Variants in AGBL3 observed in about 807,000 individuals in gnomAD.
AGBL3 encodes cytosolic carboxypeptidase 3.
Under a neutral mutation model 94.5 loss-of-function variants are expected in AGBL3, and 68 were observed. That is an observed-to-expected ratio of 0.72 (90% CI 0.59 to 0.88). AGBL3 has a LOEUF of 0.88. AGBL3 is among the 40% of genes least tolerant of loss of function. The probability of loss-of-function intolerance (pLI) is 0.00; values close to 1 mark genes in which losing one functional copy is unlikely to be tolerated. For synonymous variants in AGBL3, 354 were observed against 370.7 expected, an observed-to-expected ratio of 0.95 and a Z score of 0.52; for missense variants, 934 against 1,103.8, an observed-to-expected ratio of 0.85 and a Z score of 2.18.
At position 135,135,379 on chromosome 7, in the gene AGBL3, A is replaced by C. The variant is rs1211692527; in HGVS notation, c.*118A>C. On this transcript the variant is annotated 3_prime_UTR_variant, in exon 17 of 17. Transcript: ENST00000436302. ...TCCCTATCTCTCCCCTTACACATGC[A>C]TATGCATAAACTAAAAATTTTAGAT... is the stretch of plus-strand genomic sequence containing the variant. 1.2e-6 allele frequency: 1 copy of C among 843,792 alleles called. No individual in the cohort carries two copies. Among genetic ancestry groups the C allele is most frequent in the Non-Finnish European group, 1.6e-6 (1 of 607,184 alleles). 52.3% of individuals were successfully genotyped at this position (843,792 alleles called of 1,614,324 possible). A position where few individuals can be genotyped will look rare whatever the true frequency, so the allele number is the denominator to read the frequency against.
intron 11 of AGBL3, among the ~76,000 whole-genome samples, chr7:135,051,416 T>G (rs1416467318): frequency 5.3e-5 from 8 of 152,146 alleles, no homozygotes; most frequent in Non-Finnish European, 1.2e-4. Flanking sequence ...GCCTGTGTTT[T>G]TTGACATGAC....
chr7:135,026,263 T>TTTTATTTTATTTATTTTATTTTATTTTA (rs1554497761), intron 5 of AGBL3, among the ~76,000 whole-genome samples: 2 of 63,612 alleles, frequency 3.1e-5, no homozygotes, highest in African/African-American at 8.9e-5. Context: ...TTTTATTTTA[T>TTTTATTTTATTTATTTTATTTTATTTTA]TTTATTTTAT....
At chr7:135,130,128 T>C (rs1383533614) in intron 16 of AGBL3, among the ~76,000 whole-genome samples, 1 of 152,152 alleles carries the variant, frequency 6.6e-6, no homozygotes, top group Non-Finnish European at 1.5e-5. Flanking sequence ...AGAAGCCTTA[T>C]GAAAATTATA....
chr7:134,998,792 G>A (rs1459533334), intron 4 of AGBL3, among the ~76,000 whole-genome samples: 2 of 152,112 alleles, frequency 1.3e-5, no homozygotes, highest in African/African-American at 4.8e-5. Flanking sequence ...AATGATTCCT[G>A]TTTCTAGCAC....
chr7:135,128,291 C>CAAAAAAA (rs61217008), intron 16 of AGBL3, among the ~76,000 whole-genome samples: 3 of 58,076 alleles, frequency 5.2e-5, no homozygotes, highest in East Asian at 6.1e-4. Flanking sequence ...GACTCCATCT[C>CAAAAAAA]AAAAAAAAAA....
At chr7:135,062,323 G>A (rs963606295) in intron 12 of AGBL3, among the ~76,000 whole-genome samples, 1 of 151,848 alleles carries the variant, frequency 6.6e-6, no homozygotes, top group East Asian at 1.9e-4. Flanking sequence ...AGATCATGTT[G>A]TCTCCAAACA....
chr7:135,002,136 C>G (rs1426824334), intron 4 of AGBL3, among the ~76,000 whole-genome samples: 1 of 152,164 alleles, frequency 6.6e-6, no homozygotes, highest in African/African-American at 2.4e-5. Context: ...CACCTGTGAT[C>G]AGGAGTCCTG....
chr7:134,998,516 T>C (rs561707071), intron 4 of AGBL3, among the ~76,000 whole-genome samples: 1 of 152,328 alleles, frequency 6.6e-6, no homozygotes, highest in East Asian at 1.9e-4. Context: ...TTTTCACCTT[T>C]GGAAGAGTTG....
Position 135,135,151 on chromosome 7 carries a change from C to A in AGBL3, c.2653C>A (p.Gln885Lys). ...YKSLQAEETN[Q>K]QSSKHTALHL... ...GAGTCTTCAAGCTGAAGAAACTAAC[C>A]AGCAAAGCTCTAAGCATACAGCCCT... Residue 885 changes from glutamine (Q) to lysine (K), a missense_variant, in exon 17 of 17, where the codon CAG becomes AAG. This residue lies in a region of AGBL3 where 441 missense variants were observed against 518.2 expected (regional missense o/e 0.85). Transcript: ENST00000436302. The A allele has an allele frequency of 3.9e-6, 6 of 1,551,062 alleles. No individual in the cohort carries two copies. Among genetic ancestry groups the A allele is most frequent in the Non-Finnish European group, 5.2e-6 (6 of 1,146,608 alleles).
At chr7:135,116,577 A>G (rs1826345533) in intron 16 of AGBL3, among the ~76,000 whole-genome samples, 1 of 152,142 alleles carries the variant, frequency 6.6e-6, no homozygotes, top group Non-Finnish European at 1.5e-5. Flanking sequence ...TCGGCTCCCC[A>G]TTTGGTTTCC....
chr7:135,039,898 C>A (rs1354376045), intron 8 of AGBL3, among the ~76,000 whole-genome samples: 1 of 151,598 alleles, frequency 6.6e-6, no homozygotes, highest in Non-Finnish European at 1.5e-5. Context: ...AATTAAGCAA[C>A]ATTTGTGCTT....
At chr7:135,134,391 A>G (rs1829193200) in intron 16 of AGBL3, among the ~76,000 whole-genome samples, 1 of 147,234 alleles carries the variant, frequency 6.8e-6, no homozygotes, top group East Asian at 2.0e-4. Flanking sequence ...TCCCCCGAGG[A>G]AAACTTCCCT....
At chr7:135,015,248 C>A (rs1158065123) in intron 4 of AGBL3, among the ~76,000 whole-genome samples, 2 of 152,182 alleles carry the variant, frequency 1.3e-5, no homozygotes, top group African/African-American at 4.8e-5. Context: ...ACAACGCTTG[C>A]TCGAGAGTAG....
chr7:135,096,487 G>C (rs1254305363), intron 15 of AGBL3, among the ~76,000 whole-genome samples: 1 of 148,566 alleles, frequency 6.7e-6, no homozygotes, highest in Non-Finnish European at 1.5e-5. Flanking sequence ...CAACTAGGAA[G>C]ATACCCAAAA....
chr7:135,094,821 T>A (rs1256574447), intron 15 of AGBL3, among the ~76,000 whole-genome samples: 1 of 152,232 alleles, frequency 6.6e-6, no homozygotes, highest in African/African-American at 2.4e-5. Flanking sequence ...AAGTTGTTTG[T>A]CAGATTTTTC....
At chr7:135,103,950 G>C (rs1406670730) in intron 15 of AGBL3, among the ~76,000 whole-genome samples, 1 of 151,986 alleles carries the variant, frequency 6.6e-6, no homozygotes, top group Non-Finnish European at 1.5e-5. Flanking sequence ...TGGGGTACAT[G>C]TGCAGGTACC....
intron 4 of AGBL3, among the ~76,000 whole-genome samples, chr7:134,997,298 G>C (rs1349912345): frequency 1.3e-5 from 2 of 152,158 alleles, no homozygotes; most frequent in Admixed American, 6.5e-5. Flanking sequence ...GTGTGGCCTG[G>C]TTCCTCACAG....
chr7:135,134,919 C>T lies in AGBL3; in HGVS notation c.2421C>T (p.Ile807=). The T allele has an allele frequency of 1.9e-6, 3 of 1,551,044 alleles. No homozygotes were observed. The highest frequency in any genetic ancestry group is 2.6e-6 in the Non-Finnish European group (3 of 1,146,610). The stretch of plus-strand genomic sequence containing the variant: ...CACCCAGAAATCACCCTTTTGTAAT[C>T]CAAGGGGATGTTATGGCAAACTCTT... ...WTAPRNHPFV[I]QGDVMANSSE... Residue 807 remains isoleucine (I), a synonymous_variant, in exon 17 of 17, where the codon ATC becomes ATT. Transcript: ENST00000436302.
rs979327718 is a variant in AGBL3, at chr7:135,034,602, G to A, written c.1011G>A (p.Val337=). The change falls in exon 7 of 17, where the codon GTG becomes GTA. Residue 337 remains valine, a synonymous_variant. Transcript: ENST00000436302. ...GCCACACGCTTGCTAGGAACATGGT[G>A]TATATTTTAACAATCACTACCCCCT... ...VLCHTLARNM[V]YILTITTPLK... 3.4e-5 allele frequency: 52 copies of A among 1,551,608 alleles called. No homozygotes were observed. In the Middle Eastern group the frequency reaches 8.3e-4, roughly 25 times the overall value.
Sources: allele counts gnomAD v4.1 joint callset (sites outside exome capture counted in the v4.1 genomes callset), GRCh38; gene constraint gnomAD v4.1.1; regional missense constraint gnomAD v4.1.1; transcripts MANE v1.5; gene names NCBI Gene and HGNC (gene_info 2026-07-23, HGNC 2026-07-21).